Variants in RMDN2 observed in about 807,000 individuals in gnomAD.
RMDN2 encodes regulator of microtubule dynamics 2, also known as regulator of microtubule dynamics protein 2.
A neutral mutation model predicts 52.8 loss-of-function variants in RMDN2; 61 were observed. The observed-to-expected ratio is 1.16, with a 90% CI of 0.94 to 1.43. The LOEUF is 1.43. RMDN2 is among the 40% of genes most tolerant of loss of function. RMDN2 has a pLI of 0.00. For missense variants in RMDN2, 592 were observed against 475.3 expected (o/e 1.25, Z -2.28); for synonymous variants, 180 against 153.1 (o/e 1.18, Z -1.30).
At chr2:38,013,383 C>T (rs1213873668) in intron 10 of RMDN2, among the ~76,000 whole-genome samples, 1 of 152,144 alleles carries the variant, frequency 6.6e-6, no homozygotes, top group Non-Finnish European at 1.5e-5. Flanking sequence ...CATTAGTCAC[C>T]TTTCTAAGAC....
intron 2 of RMDN2, among the ~76,000 whole-genome samples, chr2:37,939,482 A>T (rs1442040137): frequency 1.3e-5 from 2 of 152,154 alleles, no homozygotes; most frequent in Admixed American, 1.3e-4. Context: ...TCTAATATTG[A>T]CAGTGGGGTG....
intron 10 of RMDN2, chr2:38,029,572 C>G (rs1680029266): frequency 6.7e-6 from 1 of 149,438 alleles, no homozygotes; most frequent in Non-Finnish European, 1.5e-5. Flanking sequence ...TTAAACAACT[C>G]AAGAAGAAGA....
intron 10 of RMDN2, among the ~76,000 whole-genome samples, chr2:38,051,121 G>T (rs1002415743): frequency 2.6e-5 from 4 of 152,198 alleles, no homozygotes; most frequent in African/African-American, 9.7e-5. Flanking sequence ...CAGTGACAAG[G>T]ATTAAGCTAG....
At chr2:38,007,391 T>C (rs951623890) in intron 10 of RMDN2, among the ~76,000 whole-genome samples, 5 of 152,248 alleles carry the variant, frequency 3.3e-5, no homozygotes, top group East Asian at 1.9e-4. Context: ...GAGCCTGTTA[T>C]TGGTCTGTTA....
At chr2:37,950,682 C>G (rs1668668533) in intron 2 of RMDN2, 1 of 1,290,176 alleles carries the variant, frequency 7.8e-7, no homozygotes, top group African/African-American at 1.5e-5. Flanking sequence ...CTTTGTTTCC[C>G]ATAATAACTG....
chr2:38,001,255 C>A (rs1396184232), intron 8 of RMDN2, among the ~76,000 whole-genome samples: 1 of 152,214 alleles, frequency 6.6e-6, no homozygotes, highest in Non-Finnish European at 1.5e-5. Context: ...CAACAAAGTT[C>A]CTACCTTCAG....
chr2:37,928,897 CT>C (rs1359765407), intron 1 of RMDN2: 1 of 154,270 alleles, frequency 6.5e-6, no homozygotes, highest in African/African-American at 2.4e-5. Flanking sequence ...ATTTGCCCAT[CT>C]GTTCTTTTTT....
At chr2:37,993,854 A>G (rs951018506) in intron 7 of RMDN2, among the ~76,000 whole-genome samples, 4 of 152,206 alleles carry the variant, frequency 2.6e-5, no homozygotes, top group African/African-American at 9.7e-5. Flanking sequence ...AATTGGGAAG[A>G]TAGAGTTGAA....
At position 38,004,365 on chromosome 2, in the gene RMDN2, CA is replaced by C. The variant is rs1253747001; in HGVS notation, c.1179+154del. 7 of 621,898 alleles carry C rather than the reference CA, an allele frequency of 1.1e-5. No homozygotes were observed. The East Asian group carries it at 1.4e-4, about 12-fold the overall frequency. The allele number at this position is 621,898 out of a possible 1,614,324, so 38.5% of individuals were successfully genotyped here. On this transcript the variant is annotated intron_variant, in intron 10 of 10. Transcript: ENST00000354545. ...TCTACCTTTATTGAAGTATAATTGA[CA>C]AAAACTATATGTATACAGCATGATG...
intron 2 of RMDN2, among the ~76,000 whole-genome samples, chr2:37,956,508 A>G (rs1227662268): frequency 6.6e-6 from 1 of 151,610 alleles, no homozygotes; most frequent in African/African-American, 2.4e-5. Context: ...GATTTCCTCT[A>G]TTGTTTTTCT....
At chr2:38,018,119 A>G (rs916432496), downstream of RMDN2, among the ~76,000 whole-genome samples, 6 of 152,174 alleles carry the variant, frequency 3.9e-5, no homozygotes, top group African/African-American at 1.4e-4. Context: ...GTGATTCTTC[A>G]CTTGCTTGGG....
intron 2 of RMDN2, among the ~76,000 whole-genome samples, chr2:37,949,178 G>C (rs533484368): frequency 1.2e-3 from 179 of 152,282 alleles, no homozygotes; most frequent in African/African-American, 4.0e-3. Flanking sequence ...TGGGCTTCTT[G>C]TGCTCCCAGA....
intron 10 of RMDN2, among the ~76,000 whole-genome samples, chr2:38,061,767 A>G (rs1221617441): frequency 1.3e-5 from 2 of 152,198 alleles, no homozygotes; most frequent in Non-Finnish European, 2.9e-5. Flanking sequence ...TCATTATTAT[A>G]TCATCAGTGC....
chr2:38,001,161 G>A (rs1312510705), intron 8 of RMDN2, among the ~76,000 whole-genome samples: 5 of 152,190 alleles, frequency 3.3e-5, no homozygotes, highest in African/African-American at 4.8e-5. Context: ...ATGTTTTAAA[G>A]AAGAGCTAAT....
At chr2:38,063,080 A>C (rs1248260368) in intron 10 of RMDN2, among the ~76,000 whole-genome samples, 1 of 152,156 alleles carries the variant, frequency 6.6e-6, no homozygotes, top group Non-Finnish European at 1.5e-5. Context: ...ATAAACATAC[A>C]TGTGCATGTG....
At chr2:37,994,462 T>C (rs1461309496) in intron 7 of RMDN2, among the ~76,000 whole-genome samples, 1 of 152,204 alleles carries the variant, frequency 6.6e-6, no homozygotes, top group Admixed American at 6.5e-5. Context: ...CCAACACCAA[T>C]TATAGCCATA....
chr2:37,935,694 C>G (rs6739064), intron 2 of RMDN2, among the ~76,000 whole-genome samples: 71,712 of 152,064 alleles, frequency 0.47, 19,070 homozygotes, highest in African/African-American at 0.73. Context: ...ATGGTCTTTT[C>G]TTCTTAAAAT....
chr2:38,021,754 C>G (rs1389166058), downstream of RMDN2, among the ~76,000 whole-genome samples: 1 of 152,138 alleles, frequency 6.6e-6, no homozygotes, highest in Non-Finnish European at 1.5e-5. Flanking sequence ...ACCACTGATC[C>G]AACAGGAGGA....
Position 38,066,948 on chromosome 2 carries a change from A to T in RMDN2, c.1714-34A>T, listed in dbSNP as rs745315975. On this transcript the variant is annotated intron_variant, in intron 10 of 10. Coordinates refer to the RMDN2 transcript ENST00000234195. ...CAAAGTTTCAATGCCATTTTGTGCA[A>T]TTTTTACTTCTTTTCCTGTTTTCAC... The T allele has an allele frequency of 1.9e-6, 3 of 1,613,082 alleles. No homozygotes were observed. The African/African-American group carries it at 4.0e-5, about 22-fold the overall frequency.
Sources: gnomAD v4.1 joint callset for allele counts (sites outside exome capture counted in the v4.1 genomes callset) on GRCh38, gnomAD v4.1.1 for gene constraint, MANE v1.5 for transcripts, NCBI Gene and HGNC (gene_info 2026-07-23, HGNC 2026-07-21) for gene names.